The following DCC variants were observed in gnomAD, a reference collection of about 807,000 sequenced individuals.
The protein encoded by DCC is DCC netrin 1 receptor.
A neutral mutation model predicts 172.5 loss-of-function variants in DCC; 58 were observed. The observed-to-expected ratio is 0.34, with a 90% CI of 0.27 to 0.42. The LOEUF is 0.42. Ranked by LOEUF, DCC falls within the 10% of genes least tolerant of loss-of-function variation. The pLI, the probability that DCC is intolerant of heterozygous loss-of-function variation, is 1.00. For synonymous variants in DCC, 709 were observed against 644.5 expected (o/e 1.10, Z -1.52); for missense variants, 1,740 against 1,791.0 (o/e 0.97, Z 0.51).
intron 1 of DCC, among the ~76,000 whole-genome samples, chr18:52,594,163 G>A (rs768631525): frequency 5.3e-5 from 8 of 152,298 alleles, no homozygotes; most frequent in Admixed American, 2.6e-4. Context: ...AAGGAAAAGG[G>A]CACCCCCCTG....
chr18:52,561,580 T>C (rs1441934128), intron 1 of DCC, among the ~76,000 whole-genome samples: 1 of 152,154 alleles, frequency 6.6e-6, no homozygotes, highest in African/African-American at 2.4e-5. Context: ...AAAAAGCGAA[T>C]GTGGAAACAC....
chr18:52,509,413 T>A (rs528630631), intron 1 of DCC, among the ~76,000 whole-genome samples: 1 of 152,266 alleles, frequency 6.6e-6, no homozygotes, highest in East Asian at 1.9e-4. Context: ...TCGTATTACA[T>A]CTTATATTTC....
At chr18:52,635,821 C>CG (rs2034767220) in intron 1 of DCC, among the ~76,000 whole-genome samples, 1 of 152,002 alleles carries the variant, frequency 6.6e-6, no homozygotes, top group African/African-American at 2.4e-5. Flanking sequence ...TAAACTCCCC[C>CG]CAAAAAAGTC....
chr18:53,165,524 C>T (rs1367299900), intron 8 of DCC, among the ~76,000 whole-genome samples: 2 of 152,180 alleles, frequency 1.3e-5, no homozygotes, highest in African/African-American at 4.8e-5. Context: ...CATTCTGGCC[C>T]TGGCTTAAAG....
intron 2 of DCC, among the ~76,000 whole-genome samples, chr18:52,826,496 G>C (rs922203333): frequency 2.0e-5 from 3 of 151,786 alleles, no homozygotes; most frequent in African/African-American, 4.8e-5. Flanking sequence ...TTTTTTAATG[G>C]GAATGAGTCT....
intron 1 of DCC, among the ~76,000 whole-genome samples, chr18:52,684,306 C>G (rs1449294994): frequency 6.6e-6 from 1 of 151,878 alleles, no homozygotes. Flanking sequence ...GGAATCACAA[C>G]CAGCAATTTA....
At chr18:52,430,440 G>C (rs567444519) in intron 1 of DCC, among the ~76,000 whole-genome samples, 1 of 152,086 alleles carries the variant, frequency 6.6e-6, no homozygotes, top group East Asian at 1.9e-4. Context: ...GGATAAGGAA[G>C]AGTCAAGTGT....
At chr18:52,642,012 GTGTATATATATA>G (rs1568269545) in intron 1 of DCC, among the ~76,000 whole-genome samples, 10 of 35,468 alleles carry the variant, frequency 2.8e-4, no homozygotes, top group Non-Finnish European at 4.2e-4. Context: ...TGGTGTGTGT[GTGTATATATATA>G]TATATATATA....
At chr18:52,913,645 G>A (rs1399931091) in intron 3 of DCC, among the ~76,000 whole-genome samples, 1 of 152,062 alleles carries the variant, frequency 6.6e-6, no homozygotes, top group Admixed American at 6.6e-5. Flanking sequence ...CCACGTAAAG[G>A]AATGAATATG....
chr18:53,253,994 T>C (rs1234386110), intron 12 of DCC, among the ~76,000 whole-genome samples: 2 of 152,024 alleles, frequency 1.3e-5, no homozygotes, highest in African/African-American at 4.8e-5. Flanking sequence ...GAAGTGTGTT[T>C]TCCCTCCAAT....
At chr18:52,933,047 T>C (rs950265729) in intron 5 of DCC, among the ~76,000 whole-genome samples, 1 of 152,140 alleles carries the variant, frequency 6.6e-6, no homozygotes, top group East Asian at 1.9e-4. Flanking sequence ...TAAACATTAT[T>C]GTTTTGTAAG....
At chr18:53,455,964 T>A (rs541866974) in intron 23 of DCC, among the ~76,000 whole-genome samples, 128 of 152,358 alleles carry the variant, frequency 8.4e-4, no homozygotes, top group Admixed American at 2.7e-3. Context: ...AAATAAGTGT[T>A]GTAAAACAAT....
intron 8 of DCC, among the ~76,000 whole-genome samples, chr18:53,164,215 C>G (rs2054883754): frequency 6.6e-6 from 1 of 152,116 alleles, no homozygotes; most frequent in African/African-American, 2.4e-5. Context: ...TATTTATTTA[C>G]CACTAATAAA....
chr18:53,188,034 C>T (rs1260197019), intron 9 of DCC, among the ~76,000 whole-genome samples: 1 of 152,176 alleles, frequency 6.6e-6, no homozygotes, highest in African/African-American at 2.4e-5. Flanking sequence ...GTGCTAGTAA[C>T]TTGTACATTG....
At chr18:53,438,111 C>T (rs973397991) in intron 22 of DCC, among the ~76,000 whole-genome samples, 2 of 152,144 alleles carry the variant, frequency 1.3e-5, no homozygotes, top group Non-Finnish European at 2.9e-5. Context: ...TAGAATCATC[C>T]AACAGAGCCA....
At chr18:52,997,201 G>T (rs560282733) in intron 5 of DCC, among the ~76,000 whole-genome samples, 31 of 149,366 alleles carry the variant, frequency 2.1e-4, no homozygotes, top group Admixed American at 1.5e-3. Flanking sequence ...AGGAATCTCA[G>T]TCCTGGTGAC....
intron 27 of DCC, among the ~76,000 whole-genome samples, chr18:53,525,050 G>C (rs1442383161): frequency 6.6e-6 from 1 of 151,956 alleles, no homozygotes; most frequent in African/African-American, 2.4e-5. Context: ...TTCACAGCGT[G>C]AATAGTTAGC....
intron 14 of DCC, among the ~76,000 whole-genome samples, chr18:53,335,874 A>G (rs944744834): frequency 6.6e-6 from 1 of 152,166 alleles, no homozygotes; most frequent in African/African-American, 2.4e-5. Context: ...AGACAAGAGA[A>G]GAGAACTTGT....
At chr18:52,760,405 G>A (rs2037142431) in intron 2 of DCC, among the ~76,000 whole-genome samples, 1 of 152,136 alleles carries the variant, frequency 6.6e-6, no homozygotes, top group Non-Finnish European at 1.5e-5. Context: ...TGAGATTTGG[G>A]TGGGGACACA....
Sources: allele counts gnomAD v4.1 joint callset (sites outside exome capture counted in the v4.1 genomes callset), GRCh38; gene constraint gnomAD v4.1.1; transcripts MANE v1.5; gene names NCBI Gene and HGNC (gene_info 2026-07-23, HGNC 2026-07-21).